The following PRR5 variants were observed in gnomAD, a reference collection of about 807,000 sequenced individuals.
PRR5 encodes proline-rich protein 5.
Under a neutral mutation model 30.6 loss-of-function variants are expected in PRR5, and 25 were observed. The ratio of observed to expected loss-of-function variants is 0.82; its 90% CI spans 0.60 to 1.14. PRR5 has a LOEUF of 1.14. Among genes scored for constraint, PRR5 ranks in the 50% most tolerant of loss-of-function variants. PRR5 has a pLI of 0.00. For missense variants in PRR5, 600 were observed against 547.1 expected (o/e 1.10, Z -0.96); for synonymous variants, 286 against 247.1 (o/e 1.16, Z -1.48).
intron 5 of PRR5, 83 bp from the exon 6 acceptor site, chr22:44,732,168 C>T (rs1188695206): frequency 6.4e-7 from 1 of 1,570,894 alleles, no homozygotes; most frequent in Non-Finnish European, 8.6e-7. Context: ...GTCTCTTCCC[C>T]CTGTGGGGTC....
chr22:44,684,720 C>A lies in PRR5; in HGVS notation c.-11+7480C>A, dbSNP rs8138395. ...CTGTTGTGAGGTTAGGGGCAGACAG[C>A]GGGTGTGGGTGCAGAGCACAGGGCC... On this transcript the variant is annotated intron_variant, in intron 1 of 8. Coordinates refer to the PRR5 transcript ENST00000006251. Among the ~76,000 whole-genome samples, 7 of 152,194 alleles carry A rather than the reference C, an allele frequency of 4.6e-5. No homozygotes were observed. In the South Asian group the frequency reaches 1.5e-3, roughly 32 times the overall value.
intron 1 of PRR5, among the ~76,000 whole-genome samples, chr22:44,670,571 C>G (rs374456414): frequency 6.6e-6 from 1 of 152,194 alleles, no homozygotes; most frequent in East Asian, 1.9e-4. Flanking sequence ...GTGGATCGGC[C>G]GTGAGAAGGG....
chr22:44,711,289 A>C (rs1928195306), intron 1 of PRR5, among the ~76,000 whole-genome samples: 1 of 152,290 alleles, frequency 6.6e-6, no homozygotes, highest in Middle Eastern at 3.4e-3. Flanking sequence ...GCTTTCCCAC[A>C]CAGCTGCGAG....
chr22:44,729,291 G>A, intron 4 of PRR5: 1 of 954,058 alleles, frequency 1.0e-6, no homozygotes, highest in Non-Finnish European at 1.2e-6. Context: ...CCGACGGGCT[G>A]AAACAGGGTT....
chr22:44,684,992 G>T (rs543887767), intron 1 of PRR5, among the ~76,000 whole-genome samples: 1 of 152,200 alleles, frequency 6.6e-6, no homozygotes, highest in African/African-American at 2.4e-5. Flanking sequence ...CCTGGTGGCC[G>T]CTGGGGTTAC....
intron 1 of PRR5, among the ~76,000 whole-genome samples, chr22:44,705,626 C>G (rs1358342507): frequency 6.6e-6 from 1 of 151,734 alleles, no homozygotes; most frequent in Non-Finnish European, 1.5e-5. Context: ...TGCCCAGCCT[C>G]TTTTTTGTTT....
At chr22:44,730,441 G>A (rs2147157996) in intron 4 of PRR5, 2 of 985,410 alleles carry the variant, frequency 2.0e-6, no homozygotes, top group Non-Finnish European at 2.4e-6. Flanking sequence ...CAGGCAGAAA[G>A]GCCAAGGGTT....
intron 1 of PRR5, among the ~76,000 whole-genome samples, chr22:44,712,801 G>C (rs1162722014): frequency 1.3e-5 from 2 of 152,152 alleles, no homozygotes; most frequent in African/African-American, 4.8e-5. Context: ...CTGGGTGGGC[G>C]GTGGCTGTTG....
chr22:44,688,133 C>G (rs1026146117), intron 1 of PRR5, among the ~76,000 whole-genome samples: 1 of 149,264 alleles, frequency 6.7e-6, no homozygotes, highest in African/African-American at 2.4e-5. Context: ...CCTGTAATAC[C>G]AACACTTTGG....
At chr22:44,690,611 C>T (rs1925152883) in intron 1 of PRR5, among the ~76,000 whole-genome samples, 1 of 152,186 alleles carries the variant, frequency 6.6e-6, no homozygotes, top group Non-Finnish European at 1.5e-5. Context: ...GAGGCACAGT[C>T]AAGCAGAGGG....
Position 44,737,146 on chromosome 22 carries a change from G to A in PRR5, c.1066G>A (p.Val356Met), listed in dbSNP as rs370424313. Residue 356 changes from valine to methionine, a missense_variant, in exon 8 of 8, where the codon GTG (valine) becomes ATG (methionine). By Grantham distance (21) the Val-to-Met change is conservative. Transcript: ENST00000336985. ...ENLVDQILES[V>M]DSDSEGIFID... is the part of the protein sequence containing the mutation. ...CCTGGTGGACCAGATCCTGGAGTCC[G>A]TGGACTCGGATTCTGAAGGGATTTT... The A allele has an allele frequency of 2.4e-5, 39 of 1,612,538 alleles. No individual in the cohort carries two copies. Among genetic ancestry groups the A allele is most frequent in the Admixed American group, 3.3e-5 (2 of 60,006 alleles).
chr22:44,690,733 G>C (rs961541014), intron 1 of PRR5, among the ~76,000 whole-genome samples: 1 of 152,130 alleles, frequency 6.6e-6, no homozygotes, highest in Admixed American at 6.5e-5. Flanking sequence ...TATTATCACT[G>C]AAAAAATAAC....
chr22:44,736,939 A>G lies in PRR5; in HGVS notation c.859A>G (p.Thr287Ala). 2 of 1,606,728 alleles carry G rather than the reference A, an allele frequency of 1.2e-6. No individual in the cohort carries two copies. The highest frequency in any genetic ancestry group is 8.5e-7 in the Non-Finnish European group (1 of 1,178,110). Residue 287 changes from threonine to alanine, a missense_variant, in exon 8 of 8, where the codon ACG becomes GCG. Transcript: ENST00000336985. ...CCGCAGGCACTCTGTGTCGGAGATG[A>G]CGTCCTGCCCCGAGCCTCAGGGCTT... Reference protein sequence around the residue: ...SIRRHSVSEMTSCPEPQGFSD... With the variant: ...SIRRHSVSEMASCPEPQGFSD...
chr22:44,680,686 C>T lies in PRR5; in HGVS notation c.-11+3446C>T, dbSNP rs902160777. Among the ~76,000 whole-genome samples, 16 of 152,266 alleles carry T rather than the reference C, an allele frequency of 1.1e-4. No homozygotes were observed. The East Asian group carries it at 3.1e-3, about 29-fold the overall frequency. On this transcript the variant is annotated intron_variant, in intron 1 of 8. Transcript: ENST00000006251. ...TGGGACGTCTCTCTGAGCTGCAGAT[C>T]CCCTGGTTGGGAGAGTAGGGGACGG...
chr22:44,731,567 A>G lies in PRR5; in HGVS notation c.323-163A>G, dbSNP rs1257671600. The stretch of plus-strand genomic sequence containing the variant: ...GGTTAAGCAGTGGGCCCAGGGCCAT[A>G]GAACAGCTGAGCTGTGGAGCTGGAC... On this transcript the variant is annotated intron_variant, in intron 4 of 7. Coordinates refer to ENST00000336985, the MANE Select transcript of PRR5 (RefSeq NM_181333.4). 3.9e-5 allele frequency: 26 copies of G among 669,500 alleles called. No individual in the cohort carries two copies. The East Asian group carries it at 7.1e-4, about 18-fold the overall frequency. The allele number at this position is 669,500 out of a possible 1,614,324, so 41.5% of individuals were successfully genotyped here.
chr22:44,700,098 C>T (rs1601982062), upstream of PRR5, among the ~76,000 whole-genome samples: 2 of 152,052 alleles, frequency 1.3e-5, no homozygotes, highest in African/African-American at 4.8e-5. Context: ...GGGAGGACTC[C>T]TTGAGTCCAG....
intron 2 of PRR5, among the ~76,000 whole-genome samples, chr22:44,721,480 G>A (rs917085840): frequency 1.3e-5 from 2 of 152,196 alleles, no homozygotes. Flanking sequence ...ATACTCCTAT[G>A]CAAATGAAGA....
Position 44,735,069 on chromosome 22 carries a change from CT to C in PRR5, c.599del (p.Leu200ArgfsTer61). 1 of 1,612,166 alleles carries C rather than the reference CT, an allele frequency of 6.2e-7. No individual in the cohort carries two copies. Among genetic ancestry groups the C allele is most frequent in the Non-Finnish European group, 8.5e-7 (1 of 1,179,012 alleles). ...SRGVTEDYLR[L>X]ETLVQKVVSP... ...GGGCGTGACTGAGGACTACCTGCGC[CT>C]GGAGACGCTGGTCCAGAAGGTGGTG... is the stretch of plus-strand genomic sequence containing the variant. On this transcript the variant is annotated frameshift_variant, in exon 7 of 8. Coordinates refer to ENST00000336985, the MANE Select transcript of PRR5 (RefSeq NM_181333.4). LOFTEE classifies it high-confidence loss of function.
At chr22:44,684,269 G>A (rs184193810) in intron 1 of PRR5, among the ~76,000 whole-genome samples, 26 of 152,330 alleles carry the variant, frequency 1.7e-4, no homozygotes, top group African/African-American at 5.1e-4. Flanking sequence ...ATGGCCAGGC[G>A]CGGTGGCTTA....
Sources: allele counts gnomAD v4.1 joint callset (sites outside exome capture counted in the v4.1 genomes callset), GRCh38; gene constraint gnomAD v4.1.1; transcripts MANE v1.5; gene names NCBI Gene and HGNC (gene_info 2026-07-23, HGNC 2026-07-21).